The following GEMIN5 variants were observed in gnomAD, a reference collection of about 807,000 sequenced individuals.
The protein encoded by GEMIN5 is gem-associated protein 5.
Under a neutral mutation model 176.9 loss-of-function variants are expected in GEMIN5, and 124 were observed. That is an observed-to-expected ratio of 0.70 (90% CI 0.61 to 0.81). The LOEUF (loss-of-function observed/expected upper bound fraction) is 0.81. GEMIN5 is among the 40% of genes least tolerant of loss of function. The pLI, the probability that GEMIN5 is intolerant of heterozygous loss-of-function variation, is 0.00. For missense variants in GEMIN5, 1,843 were observed against 1,814.6 expected, an observed-to-expected ratio of 1.02 and a Z score of -0.28; for synonymous variants, 673 against 665.2, an observed-to-expected ratio of 1.01 and a Z score of -0.18.
intron 16 of GEMIN5, 122 bp downstream of exon 16, chr5:154,907,469 T>A (rs145435069): frequency 7.7e-6 from 3 of 391,242 alleles, no homozygotes; most frequent in Non-Finnish European, 1.3e-5. Context: ...CAAAAAAAAC[T>A]AATGCTGTTT....
At position 154,927,484 on chromosome 5, in the gene GEMIN5, T is replaced by C; in HGVS notation, c.981A>G (p.Ser327=). The C allele has an allele frequency of 6.2e-7, 1 of 1,610,028 alleles. No homozygotes were observed. Among genetic ancestry groups the C allele is most frequent in the Non-Finnish European group, 8.5e-7 (1 of 1,176,172 alleles). The change falls in exon 7 of 28, where the codon TCA becomes TCG. Residue 327 remains serine, a synonymous_variant. Transcript: ENST00000285873. The part of the protein sequence containing the change: ...WRRKYTLFSA[S]SEGQNHSRIV... ...TTCTTGAATGATTTTGCCCTTCTGA[T>C]GAGGCACTGAAGAGGGTGTATTTCC...
chr5:154,933,742 A>T (rs1455725374), intron 3 of GEMIN5, among the ~76,000 whole-genome samples: 1 of 152,142 alleles, frequency 6.6e-6, no homozygotes, highest in Non-Finnish European at 1.5e-5. Flanking sequence ...CCGGACTTTG[A>T]AAACTGCCAA....
chr5:154,908,107 A>G (rs2113476988), intron 15 of GEMIN5, among the ~76,000 whole-genome samples: 1 of 149,128 alleles, frequency 6.7e-6, no homozygotes, highest in East Asian at 2.0e-4. Context: ...GGAAATTAAC[A>G]CGATTCACTA....
chr5:154,912,879 G>A lies in GEMIN5; in HGVS notation c.1995+20C>T. On this transcript the variant is annotated intron_variant, in intron 14 of 27. Transcript: ENST00000285873. ...AGAGTACACAGTGAAGGACCCACAG[G>A]GACAAGGACACAATAGTACCTGGGC... 1 of 1,603,588 alleles carries A rather than the reference G, an allele frequency of 6.2e-7. No homozygotes were observed. Among genetic ancestry groups the A allele is most frequent in the Non-Finnish European group, 8.5e-7 (1 of 1,173,732 alleles).
intron 20 of GEMIN5, among the ~76,000 whole-genome samples, chr5:154,902,337 T>C (rs1238623392): frequency 1.3e-5 from 2 of 152,208 alleles, no homozygotes; most frequent in Non-Finnish European, 2.9e-5. Context: ...CCAATTATGC[T>C]TTTGCCAATT....
intron 3 of GEMIN5, among the ~76,000 whole-genome samples, chr5:154,932,838 T>C (rs576703454): frequency 8.3e-4 from 126 of 152,332 alleles, no homozygotes; most frequent in Admixed American, 2.1e-3. Flanking sequence ...GTGATGGGAT[T>C]ATAGGCATCA....
At chr5:154,903,248 C>A in intron 18 of GEMIN5, 73 bp from the exon 19 acceptor site, 1 of 984,256 alleles carries the variant, frequency 1.0e-6, no homozygotes, top group Non-Finnish European at 1.6e-6. Flanking sequence ...CAATAACTTC[C>A]GAATATATGT....
At chr5:154,901,106 G>A (rs1001598182) in intron 21 of GEMIN5, among the ~76,000 whole-genome samples, 4 of 152,092 alleles carry the variant, frequency 2.6e-5, no homozygotes, top group Non-Finnish European at 5.9e-5. Context: ...CACGAGGATC[G>A]CTTGAGCCCA....
rs1440416847 is a variant in GEMIN5 at position 154,938,176 on chromosome 5, C to T, written c.-43G>A. ...GACAAGAGAAGCTGCCACAGCCGAC[C>T]GCTCGTAGCCTCACGCCTTAGGTAG... On this transcript the variant is annotated 5_prime_UTR_variant, in exon 1 of 28. Coordinates refer to ENST00000285873, the MANE Select transcript of GEMIN5 (RefSeq NM_015465.5). The T allele has an allele frequency of 9.9e-6, 13 of 1,313,758 alleles. No individual in the cohort carries two copies. In the East Asian group the frequency reaches 2.1e-4, roughly 21 times the overall value. 81.4% of individuals were successfully genotyped at this position (1,313,758 alleles called of 1,614,324 possible).
At chr5:154,911,341 G>A (rs918391088) in intron 15 of GEMIN5, among the ~76,000 whole-genome samples, 14 of 152,064 alleles carry the variant, frequency 9.2e-5, no homozygotes, top group African/African-American at 3.4e-4. Context: ...GCTAGATCCC[G>A]TCTCTACTAA....
chr5:154,895,337 A>AG (rs777865162), intron 24 of GEMIN5, among the ~76,000 whole-genome samples: 169 of 111,814 alleles, frequency 1.5e-3, no homozygotes, highest in African/African-American at 4.2e-3. Flanking sequence ...TCCAGAAAGG[A>AG]AAAAAAAAAA....
At position 154,904,554 on chromosome 5, in the gene GEMIN5, T is replaced by C. The variant is rs1582657731; in HGVS notation, c.2585A>G (p.Glu862Gly). ...STSLDHRSKE[E>G]LHQDCLVLAT... ...TAGTACCAAACAGTCCTGATGAAGC[T>C]CCTCTTTGGATCTGTGGTCCAGGCT... Residue 862 changes from glutamate (E) to glycine (G), a missense_variant, in exon 18 of 28, where the codon GAG becomes GGG. Transcript: ENST00000285873. 3 of 1,612,808 alleles carry C rather than the reference T, an allele frequency of 1.9e-6. No homozygotes were observed. Among genetic ancestry groups the C allele is most frequent in the Non-Finnish European group, 2.5e-6 (3 of 1,178,818 alleles).
chr5:154,897,164 G>A (rs1356801538), intron 23 of GEMIN5, among the ~76,000 whole-genome samples: 1 of 152,118 alleles, frequency 6.6e-6, no homozygotes, highest in Non-Finnish European at 1.5e-5. Context: ...ATCTTTTAGG[G>A]TGTCCTATTT....
intron 24 of GEMIN5, among the ~76,000 whole-genome samples, chr5:154,895,273 G>A (rs1386431750): frequency 3.3e-5 from 5 of 151,288 alleles, no homozygotes; most frequent in South Asian, 2.1e-4. Flanking sequence ...AGGCTGAGGC[G>A]GGAGGATCAC....
intron 5 of GEMIN5, 42 bp downstream of exon 5, chr5:154,931,416 A>T (rs1360487735): frequency 6.4e-7 from 1 of 1,561,506 alleles, no homozygotes; most frequent in Non-Finnish European, 8.7e-7. Flanking sequence ...TACTTCCACC[A>T]GATCAACATA....
chr5:154,919,345 G>T (rs909179893), intron 11 of GEMIN5, among the ~76,000 whole-genome samples: 14 of 152,076 alleles, frequency 9.2e-5, no homozygotes, highest in South Asian at 8.3e-4. Context: ...CACAAAAAAG[G>T]GTAAGGAAAT....
At chr5:154,892,953 C>T (rs904191100) in intron 24 of GEMIN5, among the ~76,000 whole-genome samples, 5 of 151,988 alleles carry the variant, frequency 3.3e-5, no homozygotes, top group Non-Finnish European at 7.4e-5. Flanking sequence ...AAAAATTAGC[C>T]AGGCATGATG....
chr5:154,928,544 C>G lies in GEMIN5; in HGVS notation c.897G>C (p.Leu299=), dbSNP rs930594249. 115 of 1,613,924 alleles carry G rather than the reference C, an allele frequency of 7.1e-5. 2 individuals are homozygous for G. The East Asian group carries it at 2.5e-3, about 36-fold the overall frequency. The change falls in exon 6 of 28, where the codon CTG becomes CTC. Residue 299 remains leucine (L), a synonymous_variant. Transcript: ENST00000285873. ...LHWPSNQPTQ[L]VSSCFGGELL... is the part of the protein sequence containing the mutation. ...AGACTTACCCAAAACAGCTAGATAC[C>G]AGCTGTGTTGGTTGATTGCTGGGCC...
At position 154,937,962 on chromosome 5, in the gene GEMIN5, A is replaced by G; in HGVS notation, c.166+6T>C. ...GTAAGTCTCGGGCCCAAGGGTGGTG[A>G]GTTACCTCGAAACGGGGGTGTCCCT... On this transcript the variant is annotated splice_donor_region_variant and intron_variant, in intron 1 of 27. Coordinates refer to ENST00000285873, the MANE Select transcript of GEMIN5 (RefSeq NM_015465.5). 1 of 1,570,572 alleles carries G rather than the reference A, an allele frequency of 6.4e-7. No homozygotes were observed. The highest frequency in any genetic ancestry group is 1.1e-5 in the South Asian group (1 of 87,184).
Sources: gnomAD v4.1 joint callset for allele counts (sites outside exome capture counted in the v4.1 genomes callset) on GRCh38, gnomAD v4.1.1 for gene constraint, MANE v1.5 for transcripts, NCBI Gene and HGNC (gene_info 2026-07-23, HGNC 2026-07-21) for gene names.